Variants in ATG7 observed in about 807,000 individuals in gnomAD.
ATG7 encodes autophagy related 7.
Under a neutral mutation model 82.4 loss-of-function variants are expected in ATG7, and 70 were observed. That is an observed-to-expected ratio of 0.85 (90% CI 0.70 to 1.04). The LOEUF (loss-of-function observed/expected upper bound fraction) is 1.04, where lower values mean the gene tolerates loss of function less well. ATG7 is among the 50% of genes least tolerant of loss of function. The probability of loss-of-function intolerance (pLI) is 0.00; values close to 1 mark genes in which losing one functional copy is unlikely to be tolerated. For missense variants in ATG7, 792 were observed against 864.3 expected (o/e 0.92, Z 1.05); for synonymous variants, 287 against 313.0 (o/e 0.92, Z 0.88).
chr3:11,378,558 G>A (rs1004895723), intron 18 of ATG7, among the ~76,000 whole-genome samples: 6 of 150,936 alleles, frequency 4.0e-5, no homozygotes, highest in African/African-American at 7.3e-5. Context: ...GGTGGTGGGC[G>A]CCTGTAATTC....
chr3:11,537,579 C>T (rs1316051001), intron 20 of ATG7, among the ~76,000 whole-genome samples: 3 of 152,136 alleles, frequency 2.0e-5, no homozygotes, highest in Non-Finnish European at 4.4e-5. Flanking sequence ...CTCAAAGATC[C>T]AGGGGTCACA....
chr3:11,545,640 C>T (rs1453614490), intron 20 of ATG7, among the ~76,000 whole-genome samples: 1 of 151,974 alleles, frequency 6.6e-6, no homozygotes, highest in African/African-American at 2.4e-5. Flanking sequence ...CCTCTCTGGG[C>T]CTCGGGGCTG....
chr3:11,457,535 G>A (rs190403186), intron 20 of ATG7, among the ~76,000 whole-genome samples: 7 of 152,308 alleles, frequency 4.6e-5, no homozygotes, highest in Non-Finnish European at 8.8e-5. Flanking sequence ...TCTGTACCCA[G>A]GAGTTCAATA....
intron 20 of ATG7, among the ~76,000 whole-genome samples, chr3:11,505,731 AAG>A (rs2091664902): frequency 6.6e-6 from 1 of 152,190 alleles, no homozygotes; most frequent in Non-Finnish European, 1.5e-5. Flanking sequence ...GGGCCAAAAA[AAG>A]GATTTGGCAG....
At chr3:11,348,848 T>C (rs1350034819) in intron 14 of ATG7, 1 of 152,286 alleles carries the variant, frequency 6.6e-6, no homozygotes, top group Non-Finnish European at 1.5e-5. Flanking sequence ...GAGCGCTGAC[T>C]GATGCCTTTT....
chr3:11,535,162 G>A (rs1188929198), intron 20 of ATG7, among the ~76,000 whole-genome samples: 1 of 152,176 alleles, frequency 6.6e-6, no homozygotes, highest in African/African-American at 2.4e-5. Flanking sequence ...TTCATCCTTC[G>A]GGGCCTGGAC....
intron 20 of ATG7, among the ~76,000 whole-genome samples, chr3:11,553,183 C>T (rs1252822618): frequency 6.6e-6 from 1 of 152,220 alleles, no homozygotes; most frequent in Non-Finnish European, 1.5e-5. Context: ...CCCTTTTCCA[C>T]ACACCCCTGG....
chr3:11,469,988 CAA>C (rs10628540), intron 20 of ATG7, among the ~76,000 whole-genome samples: 18 of 87,544 alleles, frequency 2.1e-4, no homozygotes, highest in African/African-American at 4.3e-4. Context: ...GACTCCATCT[CAA>C]AAAAAAAAAA....
chr3:11,371,231 T>C (rs2076974237), intron 18 of ATG7, among the ~76,000 whole-genome samples: 1 of 151,104 alleles, frequency 6.6e-6, no homozygotes, highest in Non-Finnish European at 1.5e-5. Context: ...CATTTGTTTA[T>C]TTGAAAGGGA....
chr3:11,391,052 C>G (rs1016816556), intron 19 of ATG7, among the ~76,000 whole-genome samples: 1 of 152,126 alleles, frequency 6.6e-6, no homozygotes, highest in Non-Finnish European at 1.5e-5. Flanking sequence ...TTGGCACTGT[C>G]AGTGTTTTCC....
chr3:11,394,246 G>C (rs1048926470), intron 19 of ATG7, among the ~76,000 whole-genome samples: 2 of 152,158 alleles, frequency 1.3e-5, no homozygotes, highest in African/African-American at 4.8e-5. Flanking sequence ...TATTGCCAAG[G>C]TAAGACCATG....
chr3:11,313,036 T>G (rs1948905762), intron 7 of ATG7, among the ~76,000 whole-genome samples: 1 of 152,232 alleles, frequency 6.6e-6, no homozygotes, highest in Non-Finnish European at 1.5e-5. Flanking sequence ...AATTACATAT[T>G]GCACATTTTC....
intron 20 of ATG7, among the ~76,000 whole-genome samples, chr3:11,470,474 C>T (rs1054329921): frequency 1.3e-5 from 2 of 152,156 alleles, no homozygotes; most frequent in Non-Finnish European, 2.9e-5. Context: ...ATGGGGCCAC[C>T]CTCATATGTG....
chr3:11,499,694 C>T (rs1401190575), intron 20 of ATG7, among the ~76,000 whole-genome samples: 1 of 150,826 alleles, frequency 6.6e-6, no homozygotes, highest in Non-Finnish European at 1.5e-5. Context: ...TTGCAGTGAG[C>T]CAAGATCATG....
intron 20 of ATG7, chr3:11,477,329 G>C (rs1469294826): frequency 7.7e-6 from 9 of 1,171,098 alleles, no homozygotes; most frequent in African/African-American, 1.6e-5. Flanking sequence ...ACAAACTCCT[G>C]AATCGATAAA....
downstream of ATG7, among the ~76,000 whole-genome samples, chr3:11,560,993 C>T (rs1422154760): frequency 6.6e-6 from 1 of 152,016 alleles, no homozygotes; most frequent in Non-Finnish European, 1.5e-5. Flanking sequence ...CAAGCAGCAG[C>T]AAGAGAGCAG....
intron 20 of ATG7, among the ~76,000 whole-genome samples, chr3:11,492,279 C>T (rs751584501): frequency 3.3e-5 from 5 of 152,230 alleles, no homozygotes; most frequent in Non-Finnish European, 5.9e-5. Context: ...TCCCTGACCC[C>T]TTGCACTTCC....
intron 20 of ATG7, among the ~76,000 whole-genome samples, chr3:11,522,052 A>G (rs2092457243): frequency 6.6e-6 from 1 of 152,230 alleles, no homozygotes. Context: ...GCCATAGAGT[A>G]TTAAGGGACT....
At chr3:11,432,288 T>C (rs2152953633) in intron 20 of ATG7, among the ~76,000 whole-genome samples, 1 of 152,224 alleles carries the variant, frequency 6.6e-6, no homozygotes, top group Admixed American at 6.5e-5. Context: ...CCTATTCCAT[T>C]TAGCACAGTG....
Sources: gnomAD v4.1 joint callset for allele counts (sites outside exome capture counted in the v4.1 genomes callset) on GRCh38, gnomAD v4.1.1 for gene constraint, MANE v1.5 for transcripts, NCBI Gene and HGNC (gene_info 2026-07-23, HGNC 2026-07-21) for gene names.